MEGF11: variants seen among roughly 807,000 people sequenced by gnomAD.
MEGF11 encodes the protein multiple EGF like domains 11.
Under a neutral mutation model 146.6 loss-of-function variants are expected in MEGF11, and 126 were observed. That is an observed-to-expected ratio of 0.86 (90% CI 0.74 to 1.00). The LOEUF (loss-of-function observed/expected upper bound fraction) is 1.00, where lower values mean the gene tolerates loss of function less well. Ranked by LOEUF, MEGF11 falls within the 50% of genes least tolerant of loss-of-function variation. The probability of loss-of-function intolerance (pLI) is 0.00; values close to 1 mark genes in which losing one functional copy is unlikely to be tolerated. For missense variants in MEGF11, 1,509 were observed against 1,521.2 expected (o/e 0.99, Z 0.13); for synonymous variants, 532 against 583.4 (o/e 0.91, Z 1.27).
chr15:66,167,057 C>T (rs554958851), intron 1 of MEGF11, among the ~76,000 whole-genome samples: 1 of 152,216 alleles, frequency 6.6e-6, no homozygotes, highest in South Asian at 2.1e-4. Context: ...GGCATCCTCT[C>T]TCCTCACCTG....
At chr15:66,183,942 A>C (rs140625935) in intron 1 of MEGF11, among the ~76,000 whole-genome samples, 23 of 152,322 alleles carry the variant, frequency 1.5e-4, no homozygotes, top group African/African-American at 5.5e-4. Context: ...TCTCAAAATA[A>C]TTATGCTGCA....
At chr15:65,954,838 G>A (rs1011666793) in intron 10 of MEGF11, among the ~76,000 whole-genome samples, 1 of 152,168 alleles carries the variant, frequency 6.6e-6, no homozygotes, top group African/African-American at 2.4e-5. Context: ...GAGGAGAAAT[G>A]AGTAGGCAGG....
rs1473949578 is a variant in MEGF11 at position 65,896,375 on chromosome 15, A to G, written c.*1559T>C. ...ATTTATTTTTTTGCTTTTTCTGATT[A>G]TTGCCCAAAGTATTGTGTTCCATGG... On this transcript the variant is annotated 3_prime_UTR_variant, in exon 26 of 26. Transcript: ENST00000395614. 3 of 152,592 alleles carry G rather than the reference A, an allele frequency of 2.0e-5. No homozygotes were observed. The highest frequency in any genetic ancestry group is 7.2e-5 in the African/African-American group (3 of 41,424). 9.5% of individuals were successfully genotyped at this position (152,592 alleles called of 1,614,324 possible). A position where few individuals can be genotyped will look rare whatever the true frequency, so the allele number is the denominator to read the frequency against.
At chr15:66,049,496 G>C (rs1046041318) in intron 5 of MEGF11, among the ~76,000 whole-genome samples, 2 of 152,164 alleles carry the variant, frequency 1.3e-5, no homozygotes, top group African/African-American at 4.8e-5. Flanking sequence ...GCCAAGTGCC[G>C]CAGTGAGGGA....
At chr15:66,231,146 T>C (rs57040428) in intron 1 of MEGF11, among the ~76,000 whole-genome samples, 3,513 of 152,240 alleles carry the variant, frequency 0.023, 138 homozygotes, top group African/African-American at 0.081. Flanking sequence ...TCTGCAGAAC[T>C]GGTGTTCCAC....
rs368009937 is a variant in MEGF11 at position 65,989,337 on chromosome 15, A to T, written c.395-6849T>A. On this transcript the variant is annotated intron_variant, in intron 5 of 25. Transcript: ENST00000395614. ...GAAGCCACTGCCCCTGAGCTACCCC[A>T]GCTTGTACTAAGGACTGGGCCAAGG... Among the ~76,000 whole-genome samples the T allele has an allele frequency of 2.0e-4, 30 of 152,268 alleles. No homozygotes were observed. The East Asian group carries it at 5.2e-3, about 27-fold the overall frequency.
At chr15:66,059,108 C>T (rs1277124194) in intron 5 of MEGF11, among the ~76,000 whole-genome samples, 1 of 152,192 alleles carries the variant, frequency 6.6e-6, no homozygotes, top group African/African-American at 2.4e-5. Flanking sequence ...CCTGGAGGAG[C>T]CTGCTCCAGA....
intron 1 of MEGF11, among the ~76,000 whole-genome samples, chr15:66,133,615 CTATT>C (rs2088756607): frequency 6.6e-6 from 1 of 152,170 alleles, no homozygotes; most frequent in Non-Finnish European, 1.5e-5. Context: ...CCAGCCCTCT[CTATT>C]TACTGGCCTT....
At chr15:66,139,677 C>A (rs1166746500) in intron 1 of MEGF11, among the ~76,000 whole-genome samples, 2 of 151,448 alleles carry the variant, frequency 1.3e-5, no homozygotes, top group Middle Eastern at 3.5e-3. Flanking sequence ...ATTTCTGGAG[C>A]AACTGAAGCC....
At chr15:66,198,400 T>A (rs2091061842) in intron 1 of MEGF11, among the ~76,000 whole-genome samples, 1 of 152,248 alleles carries the variant, frequency 6.6e-6, no homozygotes, top group Non-Finnish European at 1.5e-5. Context: ...CTGGTTTGTT[T>A]CCTACCTTGG....
chr15:66,157,947 G>A (rs1321952189), intron 1 of MEGF11, among the ~76,000 whole-genome samples: 1 of 152,150 alleles, frequency 6.6e-6, no homozygotes, highest in Non-Finnish European at 1.5e-5. Context: ...GTGGTAATAG[G>A]AACACAGGCA....
intron 1 of MEGF11, among the ~76,000 whole-genome samples, chr15:66,201,172 G>A (rs952289197): frequency 1.3e-5 from 2 of 151,928 alleles, no homozygotes; most frequent in Non-Finnish European, 2.9e-5. Flanking sequence ...CCGTAATTCC[G>A]CAGACCCCAC....
chr15:65,965,590 TTCTTTCTTTCTTTTTTTTTTTTC>T, intron 8 of MEGF11, among the ~76,000 whole-genome samples: 1 of 27,202 alleles, frequency 3.7e-5, no homozygotes, highest in Non-Finnish European at 1.1e-4. Flanking sequence ...CTTTCTTTCT[TTCTTTCTTTCTTTTTTTTTTTTC>T]TTTTTTTTTT....
intron 3 of MEGF11, among the ~76,000 whole-genome samples, chr15:66,121,746 T>G (rs2140925205): frequency 6.6e-6 from 1 of 152,354 alleles, no homozygotes; most frequent in African/African-American, 2.4e-5. Flanking sequence ...CCCAAGCGTC[T>G]GGCCACTGAT....
chr15:65,927,331 C>T (rs1199960647), intron 13 of MEGF11, among the ~76,000 whole-genome samples: 1 of 152,176 alleles, frequency 6.6e-6, no homozygotes, highest in Non-Finnish European at 1.5e-5. Context: ...TCATAAACCC[C>T]AGCAGTCTTG....
At chr15:66,097,269 G>A (rs1365023283) in intron 4 of MEGF11, among the ~76,000 whole-genome samples, 1 of 152,220 alleles carries the variant, frequency 6.6e-6, no homozygotes, top group Non-Finnish European at 1.5e-5. Context: ...GTGGGGAGGG[G>A]CTGGGGGTGC....
chr15:65,982,544 G>A lies in MEGF11; in HGVS notation c.395-56C>T. On this transcript the variant is annotated intron_variant, in intron 5 of 25. Transcript: ENST00000395614. This position sits in a 1 kb window ranked among gnomAD's most constrained non-coding sequence, Gnocchi z 5.6. ...AGCCCCGAAGGCTCTCCTTGGGGCA[G>A]GGGCCAGGAACCGATGCCCATGCGG... 2 of 1,424,160 alleles carry A rather than the reference G, an allele frequency of 1.4e-6. No individual in the cohort carries two copies. Among genetic ancestry groups the A allele is most frequent in the East Asian group, 5.3e-5 (2 of 37,980 alleles). 88.2% of individuals were successfully genotyped at this position (1,424,160 alleles called of 1,614,324 possible).
chr15:65,993,694 A>G (rs1051499057), intron 5 of MEGF11, among the ~76,000 whole-genome samples: 3 of 152,136 alleles, frequency 2.0e-5, no homozygotes, highest in Non-Finnish European at 2.9e-5. Flanking sequence ...GAATTTGGTG[A>G]TGCTTTCCCA....
At chr15:66,112,592 T>C (rs961819545) in intron 4 of MEGF11, among the ~76,000 whole-genome samples, 1 of 152,176 alleles carries the variant, frequency 6.6e-6, no homozygotes, top group Non-Finnish European at 1.5e-5. Flanking sequence ...TTTTCCAGAA[T>C]TGATGAAGGA....
Sources: allele counts gnomAD v4.1 joint callset (sites outside exome capture counted in the v4.1 genomes callset), GRCh38; gene constraint gnomAD v4.1.1; non-coding constraint Gnocchi (gnomAD v3.1); transcripts MANE v1.5; gene names NCBI Gene and HGNC (gene_info 2026-07-23, HGNC 2026-07-21).